DCC: variants seen among roughly 807,000 people sequenced by gnomAD.
DCC encodes the protein DCC netrin 1 receptor.
DCC carries 58 observed loss-of-function variants against 172.5 expected under a neutral mutation model. The observed-to-expected ratio is 0.34, with a 90% CI of 0.27 to 0.42. The LOEUF (loss-of-function observed/expected upper bound fraction) is 0.42, where lower values mean the gene tolerates loss of function less well. DCC is among the 10% of genes least tolerant of loss of function. The pLI is 1.00. For missense variants in DCC, 1,740 were observed against 1,791.0 expected, an observed-to-expected ratio of 0.97 and a Z score of 0.51; for synonymous variants, 709 against 644.5, an observed-to-expected ratio of 1.10 and a Z score of -1.52.
At chr18:52,618,378 T>A (rs920271391) in intron 1 of DCC, among the ~76,000 whole-genome samples, 2 of 152,192 alleles carry the variant, frequency 1.3e-5, no homozygotes, top group Non-Finnish European at 2.9e-5. Context: ...ATCCCCTCCA[T>A]GGTTGAAGAC....
At chr18:52,986,624 A>G (rs1053252623) in intron 5 of DCC, among the ~76,000 whole-genome samples, 8 of 152,086 alleles carry the variant, frequency 5.3e-5, no homozygotes, top group African/African-American at 1.7e-4. Flanking sequence ...CAGAACTGTT[A>G]TAAGTTTATT....
At chr18:52,785,679 C>G (rs550540791) in intron 2 of DCC, among the ~76,000 whole-genome samples, 1 of 152,056 alleles carries the variant, frequency 6.6e-6, no homozygotes, top group Non-Finnish European at 1.5e-5. Context: ...GGTTTGCCTC[C>G]ACCAGATGCT....
chr18:53,066,353 G>GTATGTGTATATA (rs1202896480), intron 7 of DCC, among the ~76,000 whole-genome samples, 187 bp downstream of exon 7: 1 of 94,608 alleles, frequency 1.1e-5, no homozygotes, highest in Non-Finnish European at 2.2e-5. Context: ...GTACATGTGT[G>GTATGTGTATATA]TATATATATA....
At chr18:53,148,421 G>A (rs1287112437) in intron 7 of DCC, among the ~76,000 whole-genome samples, 3 of 152,266 alleles carry the variant, frequency 2.0e-5, no homozygotes, top group African/African-American at 4.8e-5. Flanking sequence ...CTCTGGGCAT[G>A]GAGAATGGAT....
In DCC at chr18:53,397,422, G is replaced by A. The variant is rs769659847; in HGVS notation, c.2803G>A (p.Ala935Thr). Residue 935 changes from alanine to threonine, a missense_variant, in exon 18 of 29, where the codon GCA (alanine) becomes ACA (threonine). This residue lies in a region of DCC where 1,732 missense variants were observed against 1,767.4 expected (regional missense o/e 0.98). Coordinates refer to ENST00000442544, the MANE Select transcript of DCC (RefSeq NM_005215.4). ...AAGGTCCAGTACTTGGAGCATGACTGCACATGCCACCACGTATGAAGCAGG... is the reference window on the plus strand; with the variant it reads ...AAGGTCCAGTACTTGGAGCATGACTACACATGCCACCACGTATGAAGCAGG... ...NRRSSTWSMT[A>T]HATTYEAAPT... 2 of 1,613,898 alleles carry A rather than the reference G, an allele frequency of 1.2e-6. No homozygotes were observed. The highest frequency in any genetic ancestry group is 4.5e-5 in the East Asian group (2 of 44,860).
At chr18:52,815,798 C>T (rs1005697691) in intron 2 of DCC, among the ~76,000 whole-genome samples, 5 of 152,112 alleles carry the variant, frequency 3.3e-5, no homozygotes, top group Non-Finnish European at 7.4e-5. Context: ...TGATATAGGA[C>T]ATGTTATATA....
chr18:53,184,313 G>C (rs1455165541), intron 9 of DCC, among the ~76,000 whole-genome samples: 1 of 152,186 alleles, frequency 6.6e-6, no homozygotes, highest in African/African-American at 2.4e-5. Flanking sequence ...ATGTATCACA[G>C]CATTGCCATT....
intron 1 of DCC, among the ~76,000 whole-genome samples, chr18:52,561,246 T>C (rs2033030303): frequency 6.6e-6 from 1 of 151,388 alleles, no homozygotes; most frequent in African/African-American, 2.4e-5. Context: ...TTAGAAACAT[T>C]GAATCTGTAA....
intron 3 of DCC, among the ~76,000 whole-genome samples, chr18:52,915,868 CATG>C (rs1355581380): frequency 7.2e-5 from 11 of 151,958 alleles, no homozygotes; most frequent in African/African-American, 2.4e-4. Flanking sequence ...ATTTCAGAAA[CATG>C]ATTAATTTTA....
At chr18:52,963,495 G>A (rs933281178) in intron 5 of DCC, among the ~76,000 whole-genome samples, 2 of 152,104 alleles carry the variant, frequency 1.3e-5, no homozygotes, top group African/African-American at 4.8e-5. Flanking sequence ...ACAAAAGAGG[G>A]ATGCGACTGC....
intron 12 of DCC, among the ~76,000 whole-genome samples, chr18:53,247,182 A>G (rs538640844): frequency 4.6e-5 from 7 of 152,156 alleles, no homozygotes; most frequent in African/African-American, 9.6e-5. Context: ...GGACATTGTC[A>G]TATGTTATTT....
In DCC at chr18:53,360,423, C is replaced by T. The variant is rs117068212; in HGVS notation, c.2359+20516C>T. Among the ~76,000 whole-genome samples, 1,499 of 152,014 alleles carry T rather than the reference C, an allele frequency of 9.9e-3. 15 individuals carry two copies. Among genetic ancestry groups the T allele is most frequent in the Admixed American group, 0.026 (400 of 15,250 alleles). On this transcript the variant is annotated intron_variant, in intron 15 of 28. Coordinates refer to ENST00000442544, the MANE Select transcript of DCC (RefSeq NM_005215.4). Reference sequence around the variant, plus strand: ...GAGAGGTGAGTGGGTATATACAGCCCAATTCTTAGAAAAGTCTTTTAATCA... The same window carrying T: ...GAGAGGTGAGTGGGTATATACAGCCTAATTCTTAGAAAAGTCTTTTAATCA...
At chr18:52,992,380 C>A (rs1354430294) in intron 5 of DCC, among the ~76,000 whole-genome samples, 1 of 152,156 alleles carries the variant, frequency 6.6e-6, no homozygotes, top group Non-Finnish European at 1.5e-5. Context: ...GTCTCATCCT[C>A]TAGAAGTGCT....
chr18:52,783,323 CTTTTTTTTTTTTTTTTT>C (rs374129823), intron 2 of DCC, among the ~76,000 whole-genome samples: 827 of 59,264 alleles, frequency 0.014, 26 homozygotes, highest in South Asian at 0.035. Flanking sequence ...TACTACTACT[CTTTTTTTTTTTTTTTTT>C]TTTTTTTTTT....
At chr18:53,402,298 G>A (rs1181800716) in intron 18 of DCC, among the ~76,000 whole-genome samples, 2 of 151,948 alleles carry the variant, frequency 1.3e-5, no homozygotes, top group African/African-American at 2.4e-5. Flanking sequence ...GCTGAGATGG[G>A]AGGATCACTT....
At chr18:52,976,731 G>T (rs1598990510) in intron 5 of DCC, among the ~76,000 whole-genome samples, 1 of 152,108 alleles carries the variant, frequency 6.6e-6, no homozygotes, top group Non-Finnish European at 1.5e-5. Flanking sequence ...TCCCCCTGAG[G>T]ATATTCTATT....
chr18:52,615,583 T>C (rs1031117923), intron 1 of DCC, among the ~76,000 whole-genome samples: 1 of 152,196 alleles, frequency 6.6e-6, no homozygotes, highest in African/African-American at 2.4e-5. Flanking sequence ...CACATTCCAT[T>C]CCATTTGTTA....
intron 1 of DCC, among the ~76,000 whole-genome samples, chr18:52,517,671 A>G (rs1422448844): frequency 1.3e-5 from 2 of 152,214 alleles, no homozygotes; most frequent in African/African-American, 4.8e-5. Context: ...AATTACTAAA[A>G]AGGAAAACAC....
intron 5 of DCC, among the ~76,000 whole-genome samples, chr18:52,995,761 A>T (rs982792507): frequency 6.6e-6 from 1 of 151,980 alleles, no homozygotes. Context: ...CCTTTCTTTC[A>T]GTCTCTGTGG....
Sources: allele counts gnomAD v4.1 joint callset (sites outside exome capture counted in the v4.1 genomes callset), GRCh38; gene constraint gnomAD v4.1.1; regional missense constraint gnomAD v4.1.1; transcripts MANE v1.5; gene names NCBI Gene and HGNC (gene_info 2026-07-23, HGNC 2026-07-21).